The following ADGRB1 variants were observed in gnomAD, a reference collection of about 807,000 sequenced individuals.
ADGRB1 encodes brain-specific angiogenesis inhibitor 1.
ADGRB1 carries 36 observed loss-of-function variants against 175.7 expected under a neutral mutation model. The observed-to-expected ratio is 0.20, with a 90% CI of 0.16 to 0.27. ADGRB1 has a LOEUF of 0.27. Among genes scored for constraint, ADGRB1 ranks in the 10% least tolerant of loss-of-function variants. ADGRB1 has a pLI of 1.00. For synonymous variants in ADGRB1, 1,054 were observed against 979.4 expected, an observed-to-expected ratio of 1.08 and a Z score of -1.42; for missense variants, 1,731 against 2,255.3, an observed-to-expected ratio of 0.77 and a Z score of 4.71.
Position 142,542,083 on chromosome 8 carries a change from G to A in ADGRB1, c.3849G>A (p.Val1283=). Residue 1283 remains valine, a synonymous_variant, in exon 28 of 31, where the codon GTG becomes GTA. Coordinates refer to ENST00000517894, the MANE Select transcript of ADGRB1 (RefSeq NM_001702.3). This position sits in a 1 kb window ranked among gnomAD's most constrained non-coding sequence, Gnocchi z 6.3. ...ATTTCAACAGCCTGCCGGCCAACGT[G>A]TCCAAGCTGCACCTGCACGGCTCAC... ...PTNFNSLPAN[V]SKLHLHGSPR... 2.5e-6 allele frequency: 4 copies of A among 1,613,182 alleles called. No individual in the cohort carries two copies. The highest frequency in any genetic ancestry group is 3.4e-6 in the Non-Finnish European group (4 of 1,179,818).
At chr8:142,472,574 A>G (rs990309496) in intron 2 of ADGRB1, among the ~76,000 whole-genome samples, 15 of 152,206 alleles carry the variant, frequency 9.9e-5, no homozygotes, top group African/African-American at 3.4e-4. Context: ...TGGCATTGAT[A>G]CATTCACTAG....
intron 17 of ADGRB1, among the ~76,000 whole-genome samples, chr8:142,507,276 C>G (rs1460392929): frequency 1.3e-5 from 2 of 152,196 alleles, no homozygotes; most frequent in Non-Finnish European, 2.9e-5. Context: ...CTGACACATG[C>G]TGCCAAGGCC....
At chr8:142,494,334 C>T (rs149080738) in intron 17 of ADGRB1, among the ~76,000 whole-genome samples, 1 of 152,060 alleles carries the variant, frequency 6.6e-6, no homozygotes, top group Non-Finnish European at 1.5e-5. Flanking sequence ...ACAGGCTGAG[C>T]CCTGGCCCAG....
intron 24 of ADGRB1, among the ~76,000 whole-genome samples, chr8:142,528,247 C>A (rs1563743463): frequency 1.3e-5 from 2 of 152,246 alleles, no homozygotes; most frequent in South Asian, 2.1e-4. Context: ...CAGCGGCCTC[C>A]CTCTGGGAAT....
At chr8:142,475,375 C>A in intron 2 of ADGRB1, 99 bp from the exon 3 acceptor site, 2 of 1,189,076 alleles carry the variant, frequency 1.7e-6, no homozygotes, top group Non-Finnish European at 2.1e-6. Context: ...CCCCTCCCCA[C>A]CCGGGCCGGC....
intron 17 of ADGRB1, among the ~76,000 whole-genome samples, chr8:142,500,543 C>T (rs1356416506): frequency 6.6e-6 from 1 of 151,482 alleles, no homozygotes; most frequent in Non-Finnish European, 1.5e-5. Context: ...AGGCCGTGAG[C>T]CTCTTCCGCT....
chr8:142,464,085 C>T lies in ADGRB1; in HGVS notation c.-114C>T, dbSNP rs1441579495. 2 of 769,306 alleles carry T rather than the reference C, an allele frequency of 2.6e-6. No homozygotes were observed. The highest frequency in any genetic ancestry group is 3.4e-6 in the Non-Finnish European group (2 of 590,936). The allele number at this position is 769,306 out of a possible 1,614,324, so 47.7% of individuals were successfully genotyped here. A position where few individuals can be genotyped will look rare whatever the true frequency, so the allele number is the denominator to read the frequency against. On this transcript the variant is annotated 5_prime_UTR_variant, in exon 2 of 31. Transcript: ENST00000517894. ...GCCCTCTCCCATCCCACCCTTGCCCCGCCTCCCTGCCCCCACCGGGCCGGC... is the reference window on the plus strand; with the variant it reads ...GCCCTCTCCCATCCCACCCTTGCCCTGCCTCCCTGCCCCCACCGGGCCGGC...
At chr8:142,522,353 G>A (rs546253620) in intron 21 of ADGRB1, among the ~76,000 whole-genome samples, 19 of 152,266 alleles carry the variant, frequency 1.2e-4, no homozygotes, top group East Asian at 9.7e-4. Context: ...AAGTATGTCC[G>A]GTGCAGTATT....
At chr8:142,498,734 G>A (rs960530345) in intron 17 of ADGRB1, among the ~76,000 whole-genome samples, 4 of 151,860 alleles carry the variant, frequency 2.6e-5, no homozygotes, top group African/African-American at 7.3e-5. Flanking sequence ...ACCACTCCCC[G>A]CACACCTCCC....
At chr8:142,471,659 C>T (rs913803410) in intron 2 of ADGRB1, among the ~76,000 whole-genome samples, 8 of 152,264 alleles carry the variant, frequency 5.3e-5, no homozygotes, top group African/African-American at 7.2e-5. Flanking sequence ...GGGAGCCCCG[C>T]TGCCCCACGA....
chr8:142,480,418 TG>T (rs1841270883), intron 9 of ADGRB1, among the ~76,000 whole-genome samples: 1 of 152,114 alleles, frequency 6.6e-6, no homozygotes, highest in Admixed American at 6.5e-5. Context: ...AGAGCTGCTG[TG>T]GGGAGGTGTG....
In ADGRB1 at chr8:142,510,255, G is replaced by T. The variant is rs1454108040; in HGVS notation, c.2676-677G>T. On this transcript the variant is annotated intron_variant, in intron 17 of 30. Coordinates refer to ENST00000517894, the MANE Select transcript of ADGRB1 (RefSeq NM_001702.3). This position sits in a 1 kb window ranked among gnomAD's most constrained non-coding sequence, Gnocchi z 6.3. ...AGTCGCGGCCCGTAGACAGCGGGCG[G>T]CTGGGTCAGACCGCAGAGGGAAGTT... is the stretch of plus-strand genomic sequence containing the variant. Among the ~76,000 whole-genome samples, 1 of 152,126 alleles carries T rather than the reference G, an allele frequency of 6.6e-6. No individual in the cohort carries two copies.
At position 142,526,522 on chromosome 8, in the gene ADGRB1, C is replaced by CCCCCCAA; in HGVS notation, c.3313-20_3313-19insCCCCCAA. On this transcript the variant is annotated intron_variant, in intron 23 of 30. Transcript: ENST00000517894. ...ACGGCGGCCCCCACCCCCACACCCC[C>CCCCCCAA]ACCACTCTCTGCCCGGCAGGTGAAC... 1 of 1,543,526 alleles carries CCCCCCAA rather than the reference C, an allele frequency of 6.5e-7. No homozygotes were observed. The highest frequency in any genetic ancestry group is 8.8e-7 in the Non-Finnish European group (1 of 1,133,014).
chr8:142,509,447 T>G lies in ADGRB1; in HGVS notation c.2676-1485T>G, dbSNP rs554642056. ...TTTCGTGTGGGGTCAGGGCTGCGTG[T>G]GGGGGTGGCTCTCCAGGCTCCTCTG... On this transcript the variant is annotated intron_variant, in intron 17 of 30. Transcript: ENST00000517894. 4.6e-5 allele frequency among the ~76,000 whole-genome samples: 7 copies of G among 152,190 alleles called. No individual in the cohort carries two copies. In the East Asian group the frequency reaches 1.2e-3, roughly 25 times the overall value.
At position 142,510,237 on chromosome 8, in the gene ADGRB1, G is replaced by A. The variant is rs1843011675; in HGVS notation, c.2676-695G>A. Among the ~76,000 whole-genome samples the A allele has an allele frequency of 6.6e-6, 1 of 152,138 alleles. No homozygotes were observed. The highest frequency in any genetic ancestry group is 2.4e-5 in the African/African-American group (1 of 41,430). ...TCAGATGAAAAGCGGGGCAGTCGCG[G>A]CCCGTAGACAGCGGGCGGCTGGGTC... On this transcript the variant is annotated intron_variant, in intron 17 of 30. Coordinates refer to ENST00000517894, the MANE Select transcript of ADGRB1 (RefSeq NM_001702.3). This position sits in a 1 kb window ranked among gnomAD's most constrained non-coding sequence, Gnocchi z 6.3.
rs79741707 is a variant in ADGRB1, at chr8:142,487,811, A to G, written c.2309-553A>G. Among the ~76,000 whole-genome samples, 46 of 152,282 alleles carry G rather than the reference A, an allele frequency of 3.0e-4. No individual in the cohort carries two copies. In the East Asian group the frequency reaches 8.7e-3, roughly 29 times the overall value. ...CCGCACCCCCAATGCCTTCCTTCCC[A>G]GAATGGGAGGGAACACTGGATCCCT... On this transcript the variant is annotated intron_variant, in intron 13 of 30. Coordinates refer to ENST00000517894, the MANE Select transcript of ADGRB1 (RefSeq NM_001702.3).
intron 17 of ADGRB1, among the ~76,000 whole-genome samples, chr8:142,506,483 G>T (rs1842859628): frequency 6.6e-6 from 1 of 152,224 alleles, no homozygotes; most frequent in Admixed American, 6.5e-5. Context: ...GATTCCTCAG[G>T]CCTGGGCTCA....
rs116332370 is a variant in ADGRB1 at position 142,499,500 on chromosome 8, C to T, written c.2675+8685C>T. Among the ~76,000 whole-genome samples, 471 of 152,234 alleles carry T rather than the reference C, an allele frequency of 3.1e-3. 4 individuals are homozygous for T. The highest frequency in any genetic ancestry group is 0.011 in the African/African-American group (448 of 41,532). On this transcript the variant is annotated intron_variant, in intron 17 of 30. Coordinates refer to ENST00000517894, the MANE Select transcript of ADGRB1 (RefSeq NM_001702.3). ...GGGGCCAGTTCTGGGAGTGGGCTTC[C>T]TAGAGGAAGGGAGGGAGCATGCACC...
chr8:142,463,035 C>T (rs1282260140), intron 1 of ADGRB1, among the ~76,000 whole-genome samples: 1 of 152,334 alleles, frequency 6.6e-6, no homozygotes, highest in African/African-American at 2.4e-5. Flanking sequence ...CAGCCTGGGG[C>T]TCACGTATGG....
Sources: gnomAD v4.1 joint callset for allele counts (sites outside exome capture counted in the v4.1 genomes callset) on GRCh38, gnomAD v4.1.1 for gene constraint, Gnocchi (gnomAD v3.1) non-coding constraint, MANE v1.5 for transcripts, NCBI Gene and HGNC (gene_info 2026-07-23, HGNC 2026-07-21) for gene names.